The following ERC1 variants were observed in gnomAD, a reference collection of about 807,000 sequenced individuals.
ERC1 encodes RAB6 interacting protein 2.
ERC1 carries 56 observed loss-of-function variants against 132.0 expected under a neutral mutation model. That is an observed-to-expected ratio of 0.42 (90% CI 0.34 to 0.53). The LOEUF (loss-of-function observed/expected upper bound fraction) is 0.53, where lower values mean the gene tolerates loss of function less well. Among genes scored for constraint, ERC1 ranks in the 20% least tolerant of loss-of-function variants. The probability of loss-of-function intolerance (pLI) is 0.03; values close to 1 mark genes in which losing one functional copy is unlikely to be tolerated. For synonymous variants in ERC1, 478 were observed against 476.1 expected (o/e 1.00, Z -0.05); for missense variants, 1,202 against 1,349.9 (o/e 0.89, Z 1.72).
intron 12 of ERC1, among the ~76,000 whole-genome samples, chr12:1,198,808 A>C (rs117901571): frequency 0.022 from 3,407 of 152,248 alleles, 53 homozygotes; most frequent in East Asian, 0.073. Context: ...GGTGCCACAC[A>C]CTTTCAAACA....
rs143965966 is a variant in ERC1 at position 1,177,570 on chromosome 12, G to A, written c.1738-2970G>A. 6.7e-3 allele frequency among the ~76,000 whole-genome samples: 1,013 copies of A among 152,276 alleles called. 13 individuals carry two copies. Among genetic ancestry groups the A allele is most frequent in the African/African-American group, 0.023 (937 of 41,538 alleles). ...GAATGATTGATCAGTGGAACAGTCA[G>A]AACACATGCAACATTTCTTAAGTTC... On this transcript the variant is annotated intron_variant, in intron 8 of 18. Coordinates refer to ENST00000360905, the MANE Select transcript of ERC1 (RefSeq NM_178040.4).
chr12:1,141,620 G>A lies in ERC1; in HGVS notation c.1570G>A (p.Val524Met). 1.2e-6 allele frequency: 2 copies of A among 1,602,544 alleles called. No individual in the cohort carries two copies. Among genetic ancestry groups the A allele is most frequent in the South Asian group, 2.3e-5 (2 of 88,542 alleles). The change falls in exon 8 of 19, where the codon GTG becomes ATG. Residue 524 changes from valine to methionine, a missense_variant and splice_region_variant. Coordinates refer to ENST00000360905, the MANE Select transcript of ERC1 (RefSeq NM_178040.4). ...ACTTGTAAAACTCCTACATTCTTAG[G>A]TGGATGCTCTCCGATTGCGTTTGGA... ...EQRAAILQTE[V>M]DALRLRLEEK... is the part of the protein sequence containing the mutation.
At chr12:1,399,774 G>A (rs2090861351) in intron 16 of ERC1, among the ~76,000 whole-genome samples, 1 of 152,098 alleles carries the variant, frequency 6.6e-6, no homozygotes, top group South Asian at 2.1e-4. Flanking sequence ...CAGATTTTAT[G>A]TATCCATTCA....
chr12:1,366,197 A>T (rs956800090), intron 15 of ERC1, among the ~76,000 whole-genome samples: 1 of 152,248 alleles, frequency 6.6e-6, no homozygotes, highest in African/African-American at 2.4e-5. Flanking sequence ...GGTAAATTTT[A>T]TGTGTGTTTT....
chr12:1,197,322 C>A (rs1461287938), intron 12 of ERC1, among the ~76,000 whole-genome samples: 1 of 152,098 alleles, frequency 6.6e-6, no homozygotes, highest in Admixed American at 6.5e-5. Flanking sequence ...AACAACTGGT[C>A]CTGCATTACA....
At chr12:1,260,520 A>G (rs1229888670) in intron 13 of ERC1, among the ~76,000 whole-genome samples, 5 of 152,230 alleles carry the variant, frequency 3.3e-5, no homozygotes, top group African/African-American at 1.2e-4. Flanking sequence ...GTAGGACTCA[A>G]GGGCTTTCCT....
intron 2 of ERC1, among the ~76,000 whole-genome samples, chr12:1,042,019 C>T (rs545376644): frequency 6.6e-6 from 1 of 151,626 alleles, no homozygotes; most frequent in East Asian, 2.0e-4. Context: ...AAAGTGCTGG[C>T]ATTACAGGTG....
At chr12:1,057,564 CTG>C (rs1973205486) in intron 2 of ERC1, among the ~76,000 whole-genome samples, 2 of 138,630 alleles carry the variant, frequency 1.4e-5, no homozygotes, top group Admixed American at 7.4e-5. Flanking sequence ...CATAGCAAAA[CTG>C]TTTTGAAGGA....
At chr12:1,306,402 A>C (rs768192445) in intron 15 of ERC1, among the ~76,000 whole-genome samples, 8 of 152,238 alleles carry the variant, frequency 5.3e-5, no homozygotes, top group Non-Finnish European at 1.0e-4. Flanking sequence ...AACCACGTTC[A>C]GTTGCTAATT....
intron 1 of ERC1, among the ~76,000 whole-genome samples, chr12:995,350 T>C (rs1042265247): frequency 1.3e-5 from 2 of 151,902 alleles, no homozygotes; most frequent in Non-Finnish European, 2.9e-5. Context: ...CAAGGTGAAA[T>C]GGGGAGGAGG....
In ERC1 at chr12:1,479,288, T is replaced by C. The variant is rs991318222; in HGVS notation, c.3214-10805T>C. On this transcript the variant is annotated intron_variant, in intron 18 of 18. Transcript: ENST00000360905. ...GCTCTCTGCATTTCCACTTACTCTT[T>C]GGAATCAGCTCGTCTATTCACATAC... Among the ~76,000 whole-genome samples the C allele has an allele frequency of 9.2e-5, 14 of 152,298 alleles. 1 individual carries two copies. Among genetic ancestry groups the C allele is most frequent in the Admixed American group, 8.5e-4 (13 of 15,294 alleles).
chr12:1,340,957 A>G (rs73038649), intron 15 of ERC1, among the ~76,000 whole-genome samples: 5,160 of 151,956 alleles, frequency 0.034, 109 homozygotes, highest in African/African-American at 0.044. Flanking sequence ...TCTAAGGGGT[A>G]CATTGCCAGT....
intron 18 of ERC1, among the ~76,000 whole-genome samples, chr12:1,464,646 G>A (rs1022210988): frequency 1.4e-5 from 2 of 146,394 alleles, no homozygotes; most frequent in African/African-American, 2.5e-5. Context: ...TCACCCTCCC[G>A]AGTAGCTGGG....
At chr12:1,351,682 A>C (rs992893634) in intron 15 of ERC1, among the ~76,000 whole-genome samples, 1 of 152,010 alleles carries the variant, frequency 6.6e-6, no homozygotes, top group Admixed American at 6.6e-5. Context: ...TAATATTTTC[A>C]ATTTTTAATT....
chr12:1,433,606 T>A lies in ERC1; in HGVS notation c.3025-10956T>A, dbSNP rs112999056. Among the ~76,000 whole-genome samples the A allele has an allele frequency of 4.5e-3, 687 of 152,304 alleles. 3 individuals carry two copies. The highest frequency in any genetic ancestry group is 0.015 in the African/African-American group (632 of 41,564). On this transcript the variant is annotated intron_variant, in intron 17 of 18. Coordinates refer to ENST00000360905, the MANE Select transcript of ERC1 (RefSeq NM_178040.4). ...AATGATGTGTGGATGGTTTGCTAGC[T>A]GGAGGCTGGTTTGTTAATTAGAAGT... is the stretch of plus-strand genomic sequence containing the variant.
intron 7 of ERC1, among the ~76,000 whole-genome samples, chr12:1,131,860 A>T (rs1948798083): frequency 6.6e-6 from 1 of 152,134 alleles, no homozygotes; most frequent in Admixed American, 6.5e-5. Context: ...TGTAGACAAA[A>T]GCCTTCTGTT....
chr12:1,428,812 A>G (rs1200718761), intron 17 of ERC1, among the ~76,000 whole-genome samples: 1 of 152,200 alleles, frequency 6.6e-6, no homozygotes, highest in East Asian at 1.9e-4. Context: ...CTGCATTATC[A>G]ACCAAAATAA....
chr12:1,187,268 C>T (rs985832969), intron 11 of ERC1, among the ~76,000 whole-genome samples: 1 of 151,810 alleles, frequency 6.6e-6, no homozygotes, highest in Non-Finnish European at 1.5e-5. Context: ...TTTTAAAGTA[C>T]AAATTAACTC....
intron 16 of ERC1, among the ~76,000 whole-genome samples, chr12:1,401,192 C>A (rs1362417438): frequency 1.3e-5 from 2 of 152,038 alleles, no homozygotes; most frequent in African/African-American, 4.8e-5. Context: ...TCTCAGCCTT[C>A]CAAAGTGCTG....
Sources: allele counts gnomAD v4.1 joint callset (sites outside exome capture counted in the v4.1 genomes callset), GRCh38; gene constraint gnomAD v4.1.1; transcripts MANE v1.5; gene names NCBI Gene and HGNC (gene_info 2026-07-23, HGNC 2026-07-21).